Variants in CABP1 observed in about 807,000 individuals in gnomAD.
CABP1 encodes calcium binding protein 1, also known as calcium-binding protein 1.
CABP1 carries 17 observed loss-of-function variants against 34.3 expected under a neutral mutation model. The observed-to-expected ratio is 0.50, with a 90% CI of 0.34 to 0.74. The LOEUF (loss-of-function observed/expected upper bound fraction) is 0.74, where lower values mean the gene tolerates loss of function less well. Ranked by LOEUF, CABP1 falls within the 30% of genes least tolerant of loss-of-function variation. The probability of loss-of-function intolerance (pLI) is 0.01; values close to 1 mark genes in which losing one functional copy is unlikely to be tolerated. For synonymous variants in CABP1, 198 were observed against 229.2 expected, an observed-to-expected ratio of 0.86 and a Z score of 1.23; for missense variants, 373 against 511.1, an observed-to-expected ratio of 0.73 and a Z score of 2.61.
At chr12:120,656,947 A>C (rs1880268012) in intron 1 of CABP1, among the ~76,000 whole-genome samples, 1 of 152,156 alleles carries the variant, frequency 6.6e-6, no homozygotes, top group South Asian at 2.1e-4. Context: ...TGCTCGAGGT[A>C]ACAGCTTGTT....
chr12:120,656,420 T>C lies in CABP1; in HGVS notation c.655-3458T>C, dbSNP rs11830065. 11 of 619,560 alleles carry C rather than the reference T, an allele frequency of 1.8e-5. No homozygotes were observed. The African/African-American group carries it at 2.0e-4, about 11-fold the overall frequency. The allele number at this position is 619,560 out of a possible 1,614,324, so 38.4% of individuals were successfully genotyped here. On this transcript the variant is annotated intron_variant, in intron 1 of 5. Coordinates refer to ENST00000316803, the MANE Select transcript of CABP1 (RefSeq NM_001033677.2). ...TTTTCCACTCATGGCTACAAAGTGC[T>C]GGTGAGTCCATATCCACGAGCAAAA...
chr12:120,640,691 C>T lies in CABP1; in HGVS notation c.6C>T (p.Gly2=), dbSNP rs1345613836. The T allele has an allele frequency of 1.9e-6, 2 of 1,077,224 alleles. No homozygotes were observed. The highest frequency in any genetic ancestry group is 5.1e-5 in the East Asian group (1 of 19,522). The allele number at this position is 1,077,224 out of a possible 1,614,324, so 66.7% of individuals were successfully genotyped here. A position where few individuals can be genotyped will look rare whatever the true frequency, so the allele number is the denominator to read the frequency against. The stretch of plus-strand genomic sequence containing the variant: ...CGTAGAGGCTGCGCTGTCACATGGG[C>T]GGCGGCGACGGGGCCGCATTTAAGC... M[G]GGDGAAFKRP... Residue 2 remains glycine (G), a synonymous_variant, in exon 1 of 6, where the codon GGC becomes GGT. Coordinates refer to ENST00000316803, the MANE Select transcript of CABP1 (RefSeq NM_001033677.2). This position sits in a 1 kb window ranked among gnomAD's most constrained non-coding sequence, Gnocchi z 6.2.
chr12:120,650,826 CCAAA>C (rs1380372916), intron 1 of CABP1: 96 of 804,408 alleles, frequency 1.2e-4, no homozygotes, highest in Non-Finnish European at 1.8e-4. Flanking sequence ...TGCTTCTACC[CCAAA>C]CACCCTCCTA....
rs777694207 is a variant in CABP1, at chr12:120,641,304, C to T, written c.619C>T (p.Arg207Trp). Residue 207 changes from arginine (R) to tryptophan (W), a missense_variant, in exon 1 of 6, where the codon CGG becomes TGG. Arg to Trp is a moderately radical substitution (Grantham distance 101). Coordinates refer to ENST00000316803, the MANE Select transcript of CABP1 (RefSeq NM_001033677.2). The surrounding 1 kb of genome is among the most constrained non-coding windows in gnomAD (Gnocchi z 6.7). Reference sequence around the variant, plus strand: ...GTCCGAGGCGGACCCGTTCCTCCACCGGCTGCGCCCCATGCTCAGCTCCGC... The same window carrying T: ...GTCCGAGGCGGACCCGTTCCTCCACTGGCTGCGCCCCATGCTCAGCTCCGC... ...AASEADPFLH[R>W]LRPMLSSAFG... 4.5e-6 allele frequency: 6 copies of T among 1,330,158 alleles called. No individual in the cohort carries two copies. In the South Asian group the frequency reaches 6.0e-5, roughly 13 times the overall value. 82.4% of individuals were successfully genotyped at this position (1,330,158 alleles called of 1,614,324 possible).
At chr12:120,654,389 G>A (rs776158039) in intron 1 of CABP1, among the ~76,000 whole-genome samples, 6 of 152,122 alleles carry the variant, frequency 3.9e-5, no homozygotes, top group Non-Finnish European at 8.8e-5. Flanking sequence ...GACACGGTGG[G>A]CAGGGGGTTG....
chr12:120,647,643 C>T (rs1203974607), intron 1 of CABP1, among the ~76,000 whole-genome samples: 2 of 145,700 alleles, frequency 1.4e-5, no homozygotes, highest in Non-Finnish European at 3.0e-5. Flanking sequence ...TCTCGACTCA[C>T]TGCAATCTCC....
At chr12:120,675,349 G>A in the CABP1 span, among the ~76,000 whole-genome samples, 9 of 152,146 alleles carry the variant, frequency 5.9e-5, no homozygotes, top group Non-Finnish European at 1.2e-4. Context: ...CACTGCCCCC[G>A]GCCATTATCT....
chr12:120,677,026 A>G, the CABP1 span, among the ~76,000 whole-genome samples: 1 of 151,760 alleles, frequency 6.6e-6, no homozygotes, highest in Non-Finnish European at 1.5e-5. Flanking sequence ...GTTTGAGTGC[A>G]GCCTGGGCAA....
Position 120,661,311 on chromosome 12 carries a change from G to T in CABP1, c.1087+93G>T, listed in dbSNP as rs148535607. 2.7e-6 allele frequency: 4 copies of T among 1,464,778 alleles called. No homozygotes were observed. Among genetic ancestry groups the T allele is most frequent in the Admixed American group, 2.1e-5 (1 of 47,302 alleles). 90.7% of individuals were successfully genotyped at this position (1,464,778 alleles called of 1,614,324 possible). ...GTATCCATCATGCAACCATCAATCC[G>T]CCCTAATTTTCCAACCCCCAGCCCT... On this transcript the variant is annotated intron_variant, in intron 5 of 5. Coordinates refer to ENST00000316803, the MANE Select transcript of CABP1 (RefSeq NM_001033677.2). The surrounding 1 kb of genome is among the most constrained non-coding windows in gnomAD (Gnocchi z 5.1).
At chr12:120,678,945 T>C in the CABP1 span, among the ~76,000 whole-genome samples, 1 of 151,812 alleles carries the variant, frequency 6.6e-6, no homozygotes, top group African/African-American at 2.4e-5. Flanking sequence ...TGGTGGTGTA[T>C]GCCTGTAGTC....
chr12:120,669,132 C>G (rs888617021), downstream of CABP1, among the ~76,000 whole-genome samples: 1 of 152,146 alleles, frequency 6.6e-6, no homozygotes, highest in East Asian at 1.9e-4. Context: ...GCAGAGCATC[C>G]GCTGCCCGCT....
At position 120,641,219 on chromosome 12, in the gene CABP1, G is replaced by T. The variant is rs1391598913; in HGVS notation, c.534G>T (p.Ala178=). 13 of 1,259,300 alleles carry T rather than the reference G, an allele frequency of 1.0e-5. No individual in the cohort carries two copies. Among genetic ancestry groups the T allele is most frequent in the Non-Finnish European group, 1.3e-5 (13 of 1,003,052 alleles). The allele number at this position is 1,259,300 out of a possible 1,614,324, so 78.0% of individuals were successfully genotyped here. The change falls in exon 1 of 6, where the codon GCG becomes GCT. Residue 178 remains alanine (A), a synonymous_variant. Coordinates refer to ENST00000316803, the MANE Select transcript of CABP1 (RefSeq NM_001033677.2). This position sits in a 1 kb window ranked among gnomAD's most constrained non-coding sequence, Gnocchi z 6.7. ...GGGAGGAACGGGGACTGTCCCCGGC[G>T]CTCGGCCTCCGGGGCTCTCTGCGAG... The part of the protein sequence containing the change: ...RDGEERGLSP[A]LGLRGSLRAR...
intron 1 of CABP1, among the ~76,000 whole-genome samples, chr12:120,643,602 T>C (rs769154650): frequency 1.3e-5 from 2 of 152,210 alleles, no homozygotes; most frequent in Non-Finnish European, 2.9e-5. Flanking sequence ...TTTTAAAAAA[T>C]ATATTTTATA....
Position 120,641,643 on chromosome 12 carries a change from T to G in CABP1, c.654+304T>G. ...CGACCTCTACGACCGTCCTGGAGATTTGCGGGGGTCAAGGAGGGGCGCTCC... is the reference window on the plus strand; with the variant it reads ...CGACCTCTACGACCGTCCTGGAGATGTGCGGGGGTCAAGGAGGGGCGCTCC... On this transcript the variant is annotated intron_variant, in intron 1 of 5. Coordinates refer to ENST00000316803, the MANE Select transcript of CABP1 (RefSeq NM_001033677.2). The surrounding 1 kb of genome is among the most constrained non-coding windows in gnomAD (Gnocchi z 6.7). 1 of 280,548 alleles carries G rather than the reference T, an allele frequency of 3.6e-6. No homozygotes were observed. The highest frequency in any genetic ancestry group is 6.6e-6 in the Non-Finnish European group (1 of 151,102). The allele number at this position is 280,548 out of a possible 1,614,324, so 17.4% of individuals were successfully genotyped here. A position where few individuals can be genotyped will look rare whatever the true frequency, so the allele number is the denominator to read the frequency against.
At chr12:120,650,488 C>T (rs1487152069) in intron 1 of CABP1, 16 of 1,517,648 alleles carry the variant, frequency 1.1e-5, no homozygotes, top group Admixed American at 4.5e-5. Context: ...AGAGCACGCG[C>T]GCAAGAGAGG....
At chr12:120,659,831 T>TTCCA (rs1219709449) in intron 1 of CABP1, 47 bp from the exon 2 acceptor site, 2 of 1,604,410 alleles carry the variant, frequency 1.2e-6, no homozygotes, top group Non-Finnish European at 1.7e-6. Flanking sequence ...ATTTTGTGAC[T>TTCCA]TCCAGGTCCC....
Position 120,646,704 on chromosome 12 carries a change from G to T in CABP1, c.654+5365G>T, listed in dbSNP as rs1170339488. On this transcript the variant is annotated intron_variant, in intron 1 of 5. Coordinates refer to ENST00000316803, the MANE Select transcript of CABP1 (RefSeq NM_001033677.2). ...ATTTTAAAATTTTTAATAGAGATGG[G>T]GTCTTGCTATGTTGCCCAGGCTGGT... 2.6e-5 allele frequency among the ~76,000 whole-genome samples: 4 copies of T among 152,116 alleles called. No individual in the cohort carries two copies. The East Asian group carries it at 7.7e-4, about 29-fold the overall frequency.
chr12:120,670,437 G>A (rs975434634), downstream of CABP1, among the ~76,000 whole-genome samples: 8 of 151,998 alleles, frequency 5.3e-5, no homozygotes, highest in African/African-American at 1.9e-4. Flanking sequence ...AGCTCTGGGT[G>A]TGTCATCTTA....
In CABP1 at chr12:120,661,003, A is replaced by T. The variant is rs1880589830; in HGVS notation, c.940-68A>T. On this transcript the variant is annotated intron_variant, in intron 4 of 5. Coordinates refer to ENST00000316803, the MANE Select transcript of CABP1 (RefSeq NM_001033677.2). The surrounding 1 kb of genome is among the most constrained non-coding windows in gnomAD (Gnocchi z 5.1). ...GGCAATGACACTGGAGAAGGAGCTC[A>T]ACTTTGGGATCTGCTGCTGCCAATC... is the stretch of plus-strand genomic sequence containing the variant. 1 of 1,564,752 alleles carries T rather than the reference A, an allele frequency of 6.4e-7. No individual in the cohort carries two copies. Among genetic ancestry groups the T allele is most frequent in the Non-Finnish European group, 8.7e-7 (1 of 1,148,328 alleles).
Sources: gnomAD v4.1 joint callset for allele counts (sites outside exome capture counted in the v4.1 genomes callset) on GRCh38, gnomAD v4.1.1 for gene constraint, Gnocchi (gnomAD v3.1) non-coding constraint, MANE v1.5 for transcripts, NCBI Gene and HGNC (gene_info 2026-07-23, HGNC 2026-07-21) for gene names.